The following HOMER2 variants were observed in gnomAD, a reference collection of about 807,000 sequenced individuals.
HOMER2 encodes the protein homer scaffold protein 2.
In HOMER2, 27 loss-of-function variants were observed where a neutral mutation model predicts 47.0. The ratio of observed to expected loss-of-function variants is 0.57; its 90% CI spans 0.42 to 0.79. The LOEUF (loss-of-function observed/expected upper bound fraction) is 0.79. Ranked by LOEUF, HOMER2 falls within the 30% of genes least tolerant of loss-of-function variation. The pLI is 0.00. For synonymous variants in HOMER2, 161 were observed against 163.8 expected, an observed-to-expected ratio of 0.98 and a Z score of 0.13; for missense variants, 443 against 435.0, an observed-to-expected ratio of 1.02 and a Z score of -0.16.
chr15:82,941,255 C>T (rs1158959632), intron 1 of HOMER2, among the ~76,000 whole-genome samples: 1 of 151,818 alleles, frequency 6.6e-6, no homozygotes, highest in African/African-American at 2.4e-5. Context: ...ACCAGCCTGA[C>T]CAACATGATG....
intron 1 of HOMER2, among the ~76,000 whole-genome samples, chr15:82,933,918 AC>A (rs1364933865): frequency 1.3e-5 from 2 of 152,044 alleles, no homozygotes; most frequent in Non-Finnish European, 1.5e-5. Context: ...GGTGGACACC[AC>A]ACTTCCCTGC....
Position 82,892,748 on chromosome 15 carries a change from G to T in HOMER2, c.99C>A (p.Thr33=). The T allele has an allele frequency of 6.2e-7, 1 of 1,605,860 alleles. No homozygotes were observed. Among genetic ancestry groups the T allele is most frequent in the Non-Finnish European group, 8.5e-7 (1 of 1,174,282 alleles). The part of the protein sequence containing the change: ...NWMPASKQAV[T]VSYFYDVTRN... ...TTGTGACATCATAGAAGTAGGAAACGGTGACCGCCTGCTTGCTCGCAGGCA... is the reference window on the plus strand; with the variant it reads ...TTGTGACATCATAGAAGTAGGAAACTGTGACCGCCTGCTTGCTCGCAGGCA... Residue 33 remains threonine (T), a synonymous_variant, in exon 2 of 9, where the codon ACC becomes ACA. Transcript: ENST00000450735.
At chr15:82,958,708 T>C (rs1429785353) in exon 2 of HOMER2, 1 of 152,120 alleles carries the variant, frequency 6.6e-6, no homozygotes, top group Admixed American at 6.6e-5. Flanking sequence ...GGAGCCTGAT[T>C]AGAGAGAAGA....
chr15:82,876,887 G>A (rs1369177846), intron 2 of HOMER2, among the ~76,000 whole-genome samples: 1 of 152,214 alleles, frequency 6.6e-6, no homozygotes, highest in African/African-American at 2.4e-5. Context: ...TAGACAGTAA[G>A]TGACAGCTGT....
At chr15:82,974,520 A>G (rs1208308839) in intron 1 of HOMER2, among the ~76,000 whole-genome samples, 1 of 152,216 alleles carries the variant, frequency 6.6e-6, no homozygotes, top group African/African-American at 2.4e-5. Flanking sequence ...GACAATGTCT[A>G]ATTAGAATGA....
chr15:82,954,402 A>G (rs144694016), upstream of HOMER2, among the ~76,000 whole-genome samples: 5,703 of 150,432 alleles, frequency 0.038, 177 homozygotes, highest in Admixed American at 0.09. Flanking sequence ...GATTCAAGCG[A>G]TTCTACTGCC....
chr15:82,857,224 C>T (rs1260023406), intron 5 of HOMER2, among the ~76,000 whole-genome samples: 1 of 152,064 alleles, frequency 6.6e-6, no homozygotes, highest in African/African-American at 2.4e-5. Flanking sequence ...CTCTCCCCAC[C>T]TGTGAAGACA....
At chr15:82,974,230 ACCC>A (rs1425848165) in intron 1 of HOMER2, among the ~76,000 whole-genome samples, 42 of 150,692 alleles carry the variant, frequency 2.8e-4, no homozygotes, top group Admixed American at 9.9e-4. Flanking sequence ...CATGGAGAAA[ACCC>A]ATCTCTACTA....
In HOMER2 at chr15:82,864,086, A is replaced by G. The variant is rs2051882300; in HGVS notation, c.387+81T>C. 5 of 840,242 alleles carry G rather than the reference A, an allele frequency of 6.0e-6. No individual in the cohort carries two copies. The Admixed American group carries it at 1.3e-4, about 22-fold the overall frequency. 52.0% of individuals were successfully genotyped at this position (840,242 alleles called of 1,614,324 possible). ...AAATGACCTATTGTCAAAATTCCCT[A>G]TTTCTGGCCAGAAGTGACAAGGAAC... On this transcript the variant is annotated intron_variant, in intron 4 of 8. Transcript: ENST00000450735.
chr15:82,852,013 C>T (rs922763072), intron 7 of HOMER2, 129 bp downstream of exon 7: 2 of 640,882 alleles, frequency 3.1e-6, no homozygotes, highest in Non-Finnish European at 5.4e-6. Flanking sequence ...CTGTGGCTCC[C>T]AGCTCTCTCT....
chr15:82,896,356 C>T (rs1279310981), intron 1 of HOMER2, among the ~76,000 whole-genome samples: 2 of 152,150 alleles, frequency 1.3e-5, no homozygotes, highest in African/African-American at 2.4e-5. Flanking sequence ...GCAAAGCAGC[C>T]GGCTGTCTGC....
At chr15:82,983,662 C>T (rs1416268766) in intron 1 of HOMER2, among the ~76,000 whole-genome samples, 2 of 151,974 alleles carry the variant, frequency 1.3e-5, no homozygotes, top group East Asian at 1.9e-4. Context: ...AATCTCGGCT[C>T]ACTGCAACCT....
chr15:82,895,437 A>C lies in HOMER2; in HGVS notation c.6-2596T>G, dbSNP rs368478529. ...CCCTCATACCCCATCCATGTGATAT[A>C]ATCCAGTCTGCAGTCTGGATCACCC... is the stretch of plus-strand genomic sequence containing the variant. On this transcript the variant is annotated intron_variant, in intron 1 of 8. Transcript: ENST00000450735. 3.9e-5 allele frequency among the ~76,000 whole-genome samples: 6 copies of C among 152,328 alleles called. No individual in the cohort carries two copies. In the South Asian group the frequency reaches 8.3e-4, roughly 21 times the overall value.
intron 1 of HOMER2, among the ~76,000 whole-genome samples, chr15:82,983,786 TTCA>T (rs1258480991): frequency 2.0e-5 from 3 of 151,402 alleles, no homozygotes; most frequent in African/African-American, 7.3e-5. Flanking sequence ...GAGACAGGAT[TTCA>T]CCATGTTGGT....
At chr15:82,866,141 A>G (rs187197861) in intron 3 of HOMER2, among the ~76,000 whole-genome samples, 18 of 152,318 alleles carry the variant, frequency 1.2e-4, no homozygotes, top group African/African-American at 3.8e-4. Context: ...GGGAGCCTGT[A>G]CCCTGCAAAG....
At chr15:82,907,395 A>G (rs1350465487) in intron 1 of HOMER2, among the ~76,000 whole-genome samples, 2 of 151,364 alleles carry the variant, frequency 1.3e-5, no homozygotes, top group East Asian at 3.9e-4. Flanking sequence ...GAGGAAAGGA[A>G]AGAGAAAGAG....
chr15:82,879,256 G>A (rs2052447482), intron 2 of HOMER2, among the ~76,000 whole-genome samples: 1 of 152,134 alleles, frequency 6.6e-6, no homozygotes, highest in African/African-American at 2.4e-5. Flanking sequence ...AGCACTTTGG[G>A]AGGCAAAGGC....
At chr15:82,972,673 A>C (rs925566304) in intron 1 of HOMER2, among the ~76,000 whole-genome samples, 4 of 151,904 alleles carry the variant, frequency 2.6e-5, no homozygotes, top group African/African-American at 9.7e-5. Context: ...CGAGAGCAAA[A>C]CTCTGCCTTA....
chr15:82,839,429 C>T (rs1295468731), exon 2 of HOMER2: 1 of 152,160 alleles, frequency 6.6e-6, no homozygotes, highest in Non-Finnish European at 1.5e-5. Context: ...AGGACATTAG[C>T]CTACTTAGGG....
Sources: gnomAD v4.1 joint callset for allele counts (sites outside exome capture counted in the v4.1 genomes callset) on GRCh38, gnomAD v4.1.1 for gene constraint, MANE v1.5 for transcripts, NCBI Gene and HGNC (gene_info 2026-07-23, HGNC 2026-07-21) for gene names.